Variants in ADAM8 observed in about 807,000 individuals in gnomAD.
ADAM8 encodes disintegrin and metalloproteinase domain-containing protein 8.
A neutral mutation model predicts 102.4 loss-of-function variants in ADAM8; 104 were observed. The observed-to-expected ratio is 1.02, with a 90% CI of 0.87 to 1.20. The LOEUF is 1.20. Among genes scored for constraint, ADAM8 ranks in the 50% most tolerant of loss-of-function variants. The pLI is 0.00. For synonymous variants in ADAM8, 517 were observed against 485.2 expected (o/e 1.07, Z -0.86); for missense variants, 1,132 against 1,159.0 (o/e 0.98, Z 0.34).
At chr10:133,266,666 G>A (rs867062189) in intron 21 of ADAM8, among the ~76,000 whole-genome samples, 9 of 152,162 alleles carry the variant, frequency 5.9e-5, no homozygotes, top group African/African-American at 1.4e-4. Context: ...CTGGGGCCCC[G>A]TGCCAGGCCC....
Position 133,272,504 on chromosome 10 carries a change from CG to C in ADAM8, c.786del (p.Asp263ThrfsTer10). On this transcript the variant is annotated frameshift_variant, in exon 9 of 23. Coordinates refer to ENST00000445355, the MANE Select transcript of ADAM8 (RefSeq NM_001109.5). LOFTEE classifies it high-confidence loss of function. The stretch of plus-strand genomic sequence containing the variant: ...AGGTTCTCCAGTGTGACACTGGGGT[CG>C]GGGCTGACGTGGAACCTGTCCTGAC... ...WNSQDRFHVS[P>X]DPSVTLENLL... 1.2e-6 allele frequency: 2 copies of C among 1,612,208 alleles called. No individual in the cohort carries two copies. Among genetic ancestry groups the C allele is most frequent in the Non-Finnish European group, 1.7e-6 (2 of 1,179,862 alleles).
At chr10:133,271,170 T>G (rs1846511013) in intron 13 of ADAM8, 30 bp downstream of exon 13, 1 of 1,604,388 alleles carries the variant, frequency 6.2e-7, no homozygotes, top group Admixed American at 1.7e-5. Context: ...CCATGGGCTC[T>G]GGGGGTCACT....
At chr10:133,266,942 G>A (rs1345409928) in intron 21 of ADAM8, among the ~76,000 whole-genome samples, 2 of 151,632 alleles carry the variant, frequency 1.3e-5, no homozygotes, top group Non-Finnish European at 2.9e-5. Flanking sequence ...GGTTTTGAGA[G>A]ATCTTTCCAA....
At position 133,269,355 on chromosome 10, in the gene ADAM8, G is replaced by T. The variant is rs147160020; in HGVS notation, c.1948+90C>A. 6.1e-4 allele frequency: 819 copies of T among 1,353,358 alleles called. 5 individuals carry two copies. In the African/African-American group the frequency reaches 0.011, roughly 18 times the overall value. 83.8% of individuals were successfully genotyped at this position (1,353,358 alleles called of 1,614,324 possible). A position where few individuals can be genotyped will look rare whatever the true frequency, so the allele number is the denominator to read the frequency against. ...CAAACTGGCACCGTGAACACCACCAGCTTCCCGGGCCCGCGGCTTCTGCCT... is the reference window on the plus strand; with the variant it reads ...CAAACTGGCACCGTGAACACCACCATCTTCCCGGGCCCGCGGCTTCTGCCT... On this transcript the variant is annotated intron_variant, in intron 18 of 22. Coordinates refer to ENST00000445355, the MANE Select transcript of ADAM8 (RefSeq NM_001109.5).
At chr10:133,270,000 C>T in intron 16 of ADAM8, 26 bp from the exon 17 acceptor site, 1 of 1,610,822 alleles carries the variant, frequency 6.2e-7, no homozygotes, top group Non-Finnish European at 8.5e-7. Flanking sequence ...GTCTCTCAGG[C>T]AGCCGCTCTG....
rs780033103 is a variant in ADAM8, at chr10:133,272,922, C to G, written c.636+35G>C. The G allele has an allele frequency of 2.5e-6, 4 of 1,612,220 alleles. No individual in the cohort carries two copies. The South Asian group carries it at 4.4e-5, about 18-fold the overall frequency. On this transcript the variant is annotated intron_variant, in intron 7 of 22. Coordinates refer to ENST00000445355, the MANE Select transcript of ADAM8 (RefSeq NM_001109.5). Reference sequence around the variant, plus strand: ...CACACACCCCCCATGCCCCCGCCGCCGGCTGCTCTCCCACCTTCCCTGCCC... The same window carrying G: ...CACACACCCCCCATGCCCCCGCCGCGGGCTGCTCTCCCACCTTCCCTGCCC...
rs1410445209 is a variant in ADAM8, at chr10:133,273,819, C to T, written c.326G>A (p.Gly109Asp). ...PRGQDHCFYQ[G>D]HVEGYPDSAA... is the part of the protein sequence containing the mutation. ...TGAGTCCGGGTACCCCTCTACGTGG[C>T]CCTGGTAGAAGCAGTGGTCCTGCGG... is the stretch of plus-strand genomic sequence containing the variant. Residue 109 changes from glycine (G) to aspartate (D), a missense_variant, in exon 5 of 23, where the codon GGC becomes GAC. By Grantham distance (94) the Gly-to-Asp change is moderately conservative. Transcript: ENST00000445355. 1.3e-6 allele frequency: 2 copies of T among 1,549,276 alleles called. No homozygotes were observed. The highest frequency in any genetic ancestry group is 2.4e-5 in the South Asian group (2 of 84,042).
At chr10:133,266,553 A>G (rs1416634541) in intron 21 of ADAM8, among the ~76,000 whole-genome samples, 1 of 152,122 alleles carries the variant, frequency 6.6e-6, no homozygotes, top group Admixed American at 6.5e-5. Flanking sequence ...CTCTTCACAC[A>G]GGCACCTCCC....
In ADAM8 at chr10:133,268,798, G is replaced by C. The variant is rs1423767263; in HGVS notation, c.2013C>G (p.Thr671=). The change falls in exon 19 of 23, where the codon ACC becomes ACG. Residue 671 remains threonine, a synonymous_variant. Coordinates refer to ENST00000445355, the MANE Select transcript of ADAM8 (RefSeq NM_001109.5). The part of the protein sequence containing the change: ...VLVLLAVVLV[T]LAGIIVYRKA... ...TGCGGTAGACGATGATGCCTGCCAG[G>C]GTGACCAGCACAACTGCCAGGAGCA... The C allele has an allele frequency of 1.9e-6, 3 of 1,610,848 alleles. No homozygotes were observed. The highest frequency in any genetic ancestry group is 1.1e-5 in the South Asian group (1 of 91,080).
rs759147713 is a variant in ADAM8, at chr10:133,269,891, A to G, written c.1863+6T>C. 3.7e-6 allele frequency: 6 copies of G among 1,612,658 alleles called. No individual in the cohort carries two copies. In the East Asian group the frequency reaches 1.3e-4, roughly 36 times the overall value. The stretch of plus-strand genomic sequence containing the variant: ...CAGGGGCCCTGTCCCGAGAGGCCAC[A>G]CATACCCCATGGTTGTGGCACTGGG... On this transcript the variant is annotated splice_donor_region_variant and intron_variant, in intron 17 of 22. Coordinates refer to ENST00000445355, the MANE Select transcript of ADAM8 (RefSeq NM_001109.5).
intron 9 of ADAM8, 65 bp from the exon 10 acceptor site, chr10:133,272,339 C>A: frequency 1.4e-6 from 2 of 1,419,896 alleles, no homozygotes; most frequent in Middle Eastern, 2.5e-4. Context: ...CCCACCCCAG[C>A]CCTGCTCTCC....
chr10:133,274,503 CG>C (rs1245688021), intron 2 of ADAM8, among the ~76,000 whole-genome samples: 1 of 4,870 alleles, frequency 2.1e-4, no homozygotes, highest in African/African-American at 1.0e-3. Context: ...GGGTGGGGGG[CG>C]GGGGGTGGAG....
chr10:133,274,227 G>A lies in ADAM8; in HGVS notation c.159C>T (p.His53=), dbSNP rs1314874522. ...CAAGGACGTAGCTCACCCTCTCTGG[G>A]TGCAGGCCCTGAGCGAGGAGGGAAG... ...RRALPSHLGL[H]PERVSYVLGA... The change falls in exon 3 of 23, where the codon CAC becomes CAT. Residue 53 remains histidine (H), a synonymous_variant. Transcript: ENST00000445355. 2 of 1,565,626 alleles carry A rather than the reference G, an allele frequency of 1.3e-6. No homozygotes were observed. Among genetic ancestry groups the A allele is most frequent in the Non-Finnish European group, 1.7e-6 (2 of 1,156,040 alleles).
At chr10:133,274,503 C>T (rs1010928005) in intron 2 of ADAM8, among the ~76,000 whole-genome samples, 1 of 4,870 alleles carries the variant, frequency 2.1e-4, no homozygotes, top group Admixed American at 2.3e-3. Context: ...GGGTGGGGGG[C>T]GGGGGGTGGA....
At chr10:133,267,547 C>A in intron 20 of ADAM8, 130 bp from the exon 21 acceptor site, 1 of 922,826 alleles carries the variant, frequency 1.1e-6, no homozygotes, top group Non-Finnish European at 1.6e-6. Context: ...CCACAGGGCC[C>A]CACCCCAGAT....
At chr10:133,272,363 C>CAG in intron 9 of ADAM8, 53 bp downstream of exon 9, 5 of 1,189,394 alleles carry the variant, frequency 4.2e-6, no homozygotes, top group Middle Eastern at 2.9e-4. Context: ...CCACCCCACC[C>CAG]TGCCCGCCCT....
rs562283495 is a variant in ADAM8 at position 133,270,772 on chromosome 10, T to C, written c.1598A>G (p.Tyr533Cys). The stretch of plus-strand genomic sequence containing the variant: ...GGCCTTGCAGCCTGGTAGGATGTCA[T>C]AGGAGAAGCAGGACTCCTCGGCAGC... ...GQAAEESCFS[Y>C]DILPGCKASR... is the part of the protein sequence containing the mutation. The change falls in exon 15 of 23, where the codon TAT becomes TGT. Residue 533 changes from tyrosine to cysteine, a missense_variant. Physicochemically the swap from Tyr to Cys is radical, Grantham distance 194. Transcript: ENST00000445355. The C allele has an allele frequency of 1.1e-5, 18 of 1,607,566 alleles. No homozygotes were observed. In the East Asian group the frequency reaches 2.0e-4, roughly 18 times the overall value.
chr10:133,271,058 C>T lies in ADAM8; in HGVS notation c.1387G>A (p.Gly463Ser). Residue 463 changes from glycine to serine, a missense_variant, in exon 14 of 23, where the codon GGT becomes AGT. Transcript: ENST00000445355. ...TCCTTCTTGGGACGGCACAGCTCAC[C>T]AGCCGGCTTCACCTGGCCCAGCAGA... ...CCQECKVKPAGELCRPKKDMC... is the reference protein window; with the variant it reads ...CCQECKVKPASELCRPKKDMC... 1 of 1,610,942 alleles carries T rather than the reference C, an allele frequency of 6.2e-7. No homozygotes were observed. Among genetic ancestry groups the T allele is most frequent in the Non-Finnish European group, 8.5e-7 (1 of 1,179,414 alleles).
In ADAM8 at chr10:133,274,092, G is replaced by A. The variant is rs1589812705; in HGVS notation, c.228-63C>T. ...GTGCAGAGAGGCTGGCCCAGAGGCT[G>A]GACGCCGGGGACACCAGTGTGCTGG... On this transcript the variant is annotated intron_variant, in intron 3 of 22. Transcript: ENST00000445355. 3.2e-6 allele frequency: 5 copies of A among 1,585,010 alleles called. No homozygotes were observed. The Admixed American group carries it at 8.9e-5, about 28-fold the overall frequency.
Sources: gnomAD v4.1 joint callset for allele counts (sites outside exome capture counted in the v4.1 genomes callset) on GRCh38, gnomAD v4.1.1 for gene constraint, MANE v1.5 for transcripts, NCBI Gene and HGNC (gene_info 2026-07-23, HGNC 2026-07-21) for gene names.